The following MSRA variants were observed in gnomAD, a reference collection of about 807,000 sequenced individuals.
MSRA encodes mitochondrial peptide methionine sulfoxide reductase.
In MSRA, 54 loss-of-function variants were observed where a neutral mutation model predicts 31.3. That is an observed-to-expected ratio of 1.73 (90% CI 1.39 to 2.17). The LOEUF is 2.17. Ranked by LOEUF, MSRA falls within the 30% of genes most tolerant of loss-of-function variation. MSRA has a pLI of 0.00. For synonymous variants in MSRA, 169 were observed against 116.5 expected (o/e 1.45, Z -2.90); for missense variants, 507 against 300.9 (o/e 1.69, Z -5.07).
At position 10,299,715 on chromosome 8, in the gene MSRA, G is replaced by A. The variant is rs80129526; in HGVS notation, c.332-1819G>A. ...CAATAGAATCCTATCTTCCAGCTAT[G>A]AATTGCTAAGGATTAAAAATGTTGT... is the stretch of plus-strand genomic sequence containing the variant. On this transcript the variant is annotated intron_variant, in intron 3 of 5. Transcript: ENST00000317173. Among the ~76,000 whole-genome samples the A allele has an allele frequency of 3.3e-3, 496 of 152,212 alleles. 14 individuals carry two copies. In the East Asian group the frequency reaches 0.079, roughly 24 times the overall value.
intron 2 of MSRA, among the ~76,000 whole-genome samples, chr8:10,230,983 C>G (rs1392560287): frequency 1.3e-5 from 2 of 152,190 alleles, no homozygotes; most frequent in Non-Finnish European, 2.9e-5. Context: ...TAGGGTTTCA[C>G]CGTGTTGGCC....
intron 2 of MSRA, among the ~76,000 whole-genome samples, chr8:10,242,823 A>G (rs2129080828): frequency 6.6e-6 from 1 of 152,238 alleles, no homozygotes; most frequent in Admixed American, 6.5e-5. Flanking sequence ...ATGGAGTTTT[A>G]TCCTCCTAAC....
chr8:10,334,008 T>G (rs1802865567), intron 5 of MSRA, among the ~76,000 whole-genome samples: 1 of 152,062 alleles, frequency 6.6e-6, no homozygotes, highest in Admixed American at 6.5e-5. Context: ...TATACGTTTT[T>G]CTCCCCCTAC....
At chr8:10,101,920 G>A (rs1278522959) in intron 1 of MSRA, among the ~76,000 whole-genome samples, 1 of 152,066 alleles carries the variant, frequency 6.6e-6, no homozygotes, top group Non-Finnish European at 1.5e-5. Context: ...GGAATTCTGG[G>A]TTGACAATTT....
At chr8:10,315,136 C>T (rs1183990821) in intron 4 of MSRA, among the ~76,000 whole-genome samples, 6 of 152,122 alleles carry the variant, frequency 3.9e-5, no homozygotes, top group African/African-American at 1.4e-4. Context: ...GTCATGAGAA[C>T]AGCATGGGAA....
At chr8:10,122,830 G>T (rs555539862) in intron 1 of MSRA, among the ~76,000 whole-genome samples, 2 of 152,032 alleles carry the variant, frequency 1.3e-5, no homozygotes, top group African/African-American at 4.8e-5. Context: ...GATAATATCC[G>T]CCAGCTCCAT....
intron 5 of MSRA, among the ~76,000 whole-genome samples, chr8:10,332,219 C>T (rs1436207663): frequency 3.3e-5 from 5 of 152,110 alleles, no homozygotes; most frequent in Admixed American, 6.5e-5. Flanking sequence ...ATCTGAGTAC[C>T]GAAAGACTGT....
chr8:10,253,277 T>C (rs1432248551), intron 3 of MSRA, among the ~76,000 whole-genome samples: 1 of 152,194 alleles, frequency 6.6e-6, no homozygotes, highest in East Asian at 1.9e-4. Flanking sequence ...GTTTATGGAC[T>C]CTCTAAAGAC....
At position 10,417,754 on chromosome 8, in the gene MSRA, T is replaced by TTG. The variant is rs113437676; in HGVS notation, c.544-10370_544-10369dup. Among the ~76,000 whole-genome samples, 865 of 129,428 alleles carry TTG rather than the reference T, an allele frequency of 6.7e-3. 55 individuals are homozygous for TTG. Among genetic ancestry groups the TTG allele is most frequent in the African/African-American group, 0.016 (577 of 35,166 alleles). The allele number at this position is 129,428 out of a possible 152,430, so 84.9% of individuals were successfully genotyped here. On this transcript the variant is annotated intron_variant, in intron 5 of 5. Coordinates refer to ENST00000317173, the MANE Select transcript of MSRA (RefSeq NM_012331.5). ...TGTCTGGGCTTATTAAACCTGCATGTTGTGTGTGTGTGTGTGTGTGTGTGT... is the reference window on the plus strand; with the variant it reads ...TGTCTGGGCTTATTAAACCTGCATGTTGTGTGTGTGTGTGTGTGTGTGTGTGT...
At chr8:10,173,147 C>A (rs549355175) in intron 1 of MSRA, among the ~76,000 whole-genome samples, 60 of 152,242 alleles carry the variant, frequency 3.9e-4, no homozygotes, top group Non-Finnish European at 7.8e-4. Context: ...TTCCTTAATA[C>A]AAACTGTTTT....
chr8:10,406,244 C>T (rs1285752310), intron 5 of MSRA, among the ~76,000 whole-genome samples: 2 of 152,254 alleles, frequency 1.3e-5, no homozygotes, highest in East Asian at 3.8e-4. Flanking sequence ...AGGTCCCTTG[C>T]AGTCACGGCA....
chr8:10,206,998 A>C (rs1236737641), intron 1 of MSRA, among the ~76,000 whole-genome samples: 1 of 152,206 alleles, frequency 6.6e-6, no homozygotes, highest in East Asian at 1.9e-4. Context: ...CCGATGATGC[A>C]GTGTGAAGCG....
intron 1 of MSRA, among the ~76,000 whole-genome samples, chr8:10,164,223 A>C (rs1022939893): frequency 6.6e-6 from 1 of 152,244 alleles, no homozygotes; most frequent in Non-Finnish European, 1.5e-5. Flanking sequence ...ATTGCCATTC[A>C]CAGTTTAATG....
At chr8:10,408,401 G>A (rs1807953755) in intron 5 of MSRA, among the ~76,000 whole-genome samples, 2 of 152,012 alleles carry the variant, frequency 1.3e-5, no homozygotes, top group Admixed American at 6.6e-5. Flanking sequence ...AATTAGCCAG[G>A]CATGGTGGCA....
intron 1 of MSRA, among the ~76,000 whole-genome samples, chr8:10,139,566 A>T (rs1024929996): frequency 2.6e-5 from 4 of 152,054 alleles, no homozygotes; most frequent in African/African-American, 9.7e-5. Flanking sequence ...TACACTCTCT[A>T]TGTCCATGTA....
At chr8:10,327,706 G>A (rs1004168596) in intron 5 of MSRA, among the ~76,000 whole-genome samples, 1 of 152,108 alleles carries the variant, frequency 6.6e-6, no homozygotes, top group Non-Finnish European at 1.5e-5. Flanking sequence ...AGCCAAGGCA[G>A]GTGGATCATA....
At chr8:10,096,795 G>C (rs1243042763) in intron 1 of MSRA, among the ~76,000 whole-genome samples, 4 of 152,182 alleles carry the variant, frequency 2.6e-5, no homozygotes, top group Non-Finnish European at 2.9e-5. Context: ...TATTGTAGGA[G>C]AGGTTAACTG....
chr8:10,228,571 G>C (rs139855048), intron 2 of MSRA, among the ~76,000 whole-genome samples: 6 of 152,328 alleles, frequency 3.9e-5, no homozygotes, highest in Non-Finnish European at 7.3e-5. Context: ...TGTTAATTCA[G>C]CTTGCTTGCA....
intron 5 of MSRA, among the ~76,000 whole-genome samples, chr8:10,425,645 C>T (rs181649768): frequency 1.0e-3 from 152 of 152,374 alleles, no homozygotes; most frequent in Non-Finnish European, 1.3e-3. Context: ...ACATGGACGC[C>T]TCCAGTACGC....
Sources: gnomAD v4.1 joint callset for allele counts (sites outside exome capture counted in the v4.1 genomes callset) on GRCh38, gnomAD v4.1.1 for gene constraint, MANE v1.5 for transcripts, NCBI Gene and HGNC (gene_info 2026-07-23, HGNC 2026-07-21) for gene names.